The following DYTN variants were observed in gnomAD, a reference collection of about 807,000 sequenced individuals.
DYTN encodes dystrotelin.
Under a neutral mutation model 69.6 loss-of-function variants are expected in DYTN, and 75 were observed. That is an observed-to-expected ratio of 1.08 (90% CI 0.89 to 1.31). DYTN has a LOEUF of 1.31. Among genes scored for constraint, DYTN ranks in the 50% most tolerant of loss-of-function variants. The probability of loss-of-function intolerance (pLI) is 0.00; values close to 1 mark genes in which losing one functional copy is unlikely to be tolerated. For missense variants in DYTN, 726 were observed against 688.4 expected, an observed-to-expected ratio of 1.05 and a Z score of -0.61; for synonymous variants, 252 against 249.1, an observed-to-expected ratio of 1.01 and a Z score of -0.11.
Position 206,710,729 on chromosome 2 carries a change from C to CT in DYTN, c.20-132dup, listed in dbSNP as rs147238539. The CT allele has an allele frequency of 6.4e-3, 3,885 of 606,724 alleles. 28 individuals are homozygous for CT. Among genetic ancestry groups the CT allele is most frequent in the African/African-American group, 0.034 (1,800 of 52,442 alleles). 37.6% of individuals were successfully genotyped at this position (606,724 alleles called of 1,614,324 possible). On this transcript the variant is annotated intron_variant, in intron 1 of 11. Transcript: ENST00000452335. Reference sequence around the variant, plus strand: ...GGTGAGGAAATTAAGGTTTAGAGCTCTTTTTTTTTCTGTAAACAAATAAAA... The same window carrying CT: ...GGTGAGGAAATTAAGGTTTAGAGCTCTTTTTTTTTTCTGTAAACAAATAAAA...
intron 9 of DYTN, among the ~76,000 whole-genome samples, chr2:206,673,627 A>C (rs527714404): frequency 1.8e-4 from 27 of 152,356 alleles, no homozygotes; most frequent in African/African-American, 6.5e-4. Flanking sequence ...CTCTGGGCAG[A>C]AGGAAGCCTT....
intron 5 of DYTN, among the ~76,000 whole-genome samples, chr2:206,701,966 T>C (rs530237700): frequency 6.6e-6 from 1 of 152,362 alleles, no homozygotes; most frequent in South Asian, 2.1e-4. Flanking sequence ...TAATTGAGAT[T>C]TGATATTTTG....
chr2:206,680,531 C>T (rs908225844), intron 9 of DYTN, among the ~76,000 whole-genome samples: 1 of 152,132 alleles, frequency 6.6e-6, no homozygotes. Flanking sequence ...TTCTCTGATG[C>T]ATGATGGTGA....
Position 206,702,253 on chromosome 2 carries a change from C to T in DYTN, c.484-2037G>A, listed in dbSNP as rs536453974. On this transcript the variant is annotated intron_variant, in intron 5 of 11. Transcript: ENST00000452335. ...GCACAGATACATGTACCTGTCACCT[C>T]CATTTATTCCCATTTGGTCACGGGT... is the stretch of plus-strand genomic sequence containing the variant. Among the ~76,000 whole-genome samples the T allele has an allele frequency of 1.1e-4, 16 of 152,334 alleles. No individual in the cohort carries two copies. In the South Asian group the frequency reaches 2.1e-3, roughly 20 times the overall value.
rs747767305 is a variant in DYTN at position 206,707,254 on chromosome 2, A to G, written c.296+48T>C. ...GCACCAAATGGTAAATGACCACTGG[A>G]AACTAAACTTTGCCTTTGAGGTCAC... is the stretch of plus-strand genomic sequence containing the variant. On this transcript the variant is annotated intron_variant, in intron 3 of 11. Transcript: ENST00000452335. The G allele has an allele frequency of 1.9e-6, 3 of 1,575,788 alleles. No homozygotes were observed. The South Asian group carries it at 3.5e-5, about 18-fold the overall frequency.
chr2:206,712,384 G>A (rs1380760500), intron 1 of DYTN, among the ~76,000 whole-genome samples: 1 of 152,270 alleles, frequency 6.6e-6, no homozygotes, highest in African/African-American at 2.4e-5. Flanking sequence ...TGGAGTCATG[G>A]GGGTCAAAAT....
intron 2 of DYTN, among the ~76,000 whole-genome samples, chr2:206,709,888 G>A (rs1700063533): frequency 6.6e-6 from 1 of 152,018 alleles, no homozygotes; most frequent in Non-Finnish European, 1.5e-5. Flanking sequence ...AATTTTCACA[G>A]GATACATGTT....
intron 4 of DYTN, 67 bp from the exon 5 acceptor site, chr2:206,705,010 T>C: frequency 7.9e-7 from 1 of 1,265,510 alleles, no homozygotes; most frequent in Non-Finnish European, 1.1e-6. Flanking sequence ...AGTACTTGCT[T>C]TGAAGTAACA....
At chr2:206,673,745 C>T (rs547663183) in intron 9 of DYTN, among the ~76,000 whole-genome samples, 2 of 152,288 alleles carry the variant, frequency 1.3e-5, no homozygotes, top group African/African-American at 4.8e-5. Context: ...AAATGGTCCC[C>T]TCAAAGCTGA....
chr2:206,674,287 T>A (rs1276718692), intron 9 of DYTN, among the ~76,000 whole-genome samples: 2 of 152,134 alleles, frequency 1.3e-5, no homozygotes, highest in Non-Finnish European at 2.9e-5. Context: ...ATTTGAAGAT[T>A]TGAAAAATAA....
At chr2:206,663,617 A>G (rs1027310766) in intron 10 of DYTN, among the ~76,000 whole-genome samples, 2 of 152,344 alleles carry the variant, frequency 1.3e-5, no homozygotes, top group Non-Finnish European at 2.9e-5. Flanking sequence ...AAAATAACAG[A>G]GGGAATAATT....
In DYTN at chr2:206,657,794, T is replaced by C. The variant is rs13401584; in HGVS notation, c.1633+5109A>G. 2.5e-3 allele frequency among the ~76,000 whole-genome samples: 385 copies of C among 152,326 alleles called. 2 individuals carry two copies. Among genetic ancestry groups the C allele is most frequent in the African/African-American group, 9.0e-3 (374 of 41,576 alleles). On this transcript the variant is annotated intron_variant, in intron 11 of 11. Coordinates refer to ENST00000452335, the MANE Select transcript of DYTN (RefSeq NM_001093730.1). Reference sequence around the variant, plus strand: ...TCTTGCTGCTTTCAAAATTCTCTTTTGTGTTTGACTTTTGACAATTTGGTT... The same window carrying C: ...TCTTGCTGCTTTCAAAATTCTCTTTCGTGTTTGACTTTTGACAATTTGGTT...
intron 11 of DYTN, among the ~76,000 whole-genome samples, chr2:206,655,578 T>TA (rs1277525260): frequency 7.4e-5 from 11 of 148,072 alleles, no homozygotes; most frequent in East Asian, 2.0e-4. Flanking sequence ...TCCAGCTAAT[T>TA]AAAAAAAAAT....
At chr2:206,671,615 A>G (rs564798703) in intron 9 of DYTN, among the ~76,000 whole-genome samples, 56 of 152,312 alleles carry the variant, frequency 3.7e-4, no homozygotes, top group African/African-American at 1.1e-3. Context: ...TATGGTGGAG[A>G]TAGAGTAGGA....
chr2:206,683,314 T>C (rs1321181343), intron 9 of DYTN, among the ~76,000 whole-genome samples: 2 of 149,908 alleles, frequency 1.3e-5, no homozygotes, highest in African/African-American at 2.4e-5. Context: ...TGCCCCCACT[T>C]CCTCACCTCT....
intron 9 of DYTN, 71 bp downstream of exon 9, chr2:206,693,104 G>T: frequency 6.7e-7 from 1 of 1,496,086 alleles, no homozygotes. Flanking sequence ...AAGATTGCTG[G>T]CCGGTTACCA....
intron 8 of DYTN, 102 bp from the exon 9 acceptor site, chr2:206,693,425 A>G: frequency 4.9e-6 from 7 of 1,426,562 alleles, no homozygotes; most frequent in Non-Finnish European, 6.5e-6. Context: ...TTTTGGAATT[A>G]TTTCTCTTAA....
At chr2:206,693,897 C>T (rs1316192266) in intron 8 of DYTN, among the ~76,000 whole-genome samples, 1 of 152,154 alleles carries the variant, frequency 6.6e-6, no homozygotes, top group Non-Finnish European at 1.5e-5. Flanking sequence ...AGACTTTTAG[C>T]ACTAGGAAGG....
intron 5 of DYTN, among the ~76,000 whole-genome samples, chr2:206,703,597 A>C (rs1315918649): frequency 6.6e-6 from 1 of 152,242 alleles, no homozygotes; most frequent in African/African-American, 2.4e-5. Flanking sequence ...TGTCATCATC[A>C]TGAACACAAA....
Sources: gnomAD v4.1 joint callset for allele counts (sites outside exome capture counted in the v4.1 genomes callset) on GRCh38, gnomAD v4.1.1 for gene constraint, MANE v1.5 for transcripts, NCBI Gene and HGNC (gene_info 2026-07-23, HGNC 2026-07-21) for gene names.